BICDL1: variants seen among roughly 807,000 people sequenced by gnomAD.
BICDL1 encodes BICD family-like cargo adapter 1.
A neutral mutation model predicts 76.8 loss-of-function variants in BICDL1; 20 were observed. The ratio of observed to expected loss-of-function variants is 0.26; its 90% CI spans 0.18 to 0.38. The LOEUF (loss-of-function observed/expected upper bound fraction) is 0.38. Ranked by LOEUF, BICDL1 falls within the 10% of genes least tolerant of loss-of-function variation. The pLI is 1.00. For synonymous variants in BICDL1, 383 were observed against 337.1 expected (o/e 1.14, Z -1.49); for missense variants, 700 against 798.6 (o/e 0.88, Z 1.49).
chr12:120,021,918 TAAAATAAAATAAATAAA>T (rs1301179045), intron 2 of BICDL1, among the ~76,000 whole-genome samples: 1 of 134,412 alleles, frequency 7.4e-6, no homozygotes, highest in Non-Finnish European at 1.6e-5. Flanking sequence ...TAAAATAAAA[TAAAATAAAATAAATAAA>T]AAAATAAAAT....
chr12:119,995,019 T>C (rs1295567122), intron 1 of BICDL1, among the ~76,000 whole-genome samples: 2 of 152,202 alleles, frequency 1.3e-5, no homozygotes, highest in African/African-American at 4.8e-5. Flanking sequence ...GGATACCATA[T>C]TACATTTAGT....
intron 2 of BICDL1, among the ~76,000 whole-genome samples, chr12:120,010,694 A>T (rs985909624): frequency 1.3e-5 from 2 of 152,142 alleles, no homozygotes; most frequent in African/African-American, 4.8e-5. Context: ...TTAATGTTTT[A>T]TGTATTGAAG....
At chr12:120,086,189 C>T (rs1874400151) in intron 8 of BICDL1, among the ~76,000 whole-genome samples, 1 of 152,166 alleles carries the variant, frequency 6.6e-6, no homozygotes, top group African/African-American at 2.4e-5. Flanking sequence ...AGCAAGGGTC[C>T]TGTCCTTCCT....
chr12:120,025,299 C>A (rs1299294636), intron 2 of BICDL1, among the ~76,000 whole-genome samples: 1 of 152,140 alleles, frequency 6.6e-6, no homozygotes, highest in Non-Finnish European at 1.5e-5. Context: ...ATCCGCCCTC[C>A]TTGGCCTCCC....
intron 7 of BICDL1, among the ~76,000 whole-genome samples, chr12:120,075,400 TTTTA>T (rs1382007912): frequency 1.3e-5 from 2 of 152,070 alleles, no homozygotes; most frequent in African/African-American, 4.8e-5. Flanking sequence ...TTTTTTTTTT[TTTTA>T]TTTCTTTTTG....
Position 120,090,026 on chromosome 12 carries a change from C to G in BICDL1, c.1659C>G (p.Ala553=). Residue 553 remains alanine, a synonymous_variant, in exon 9 of 10, where the codon GCC becomes GCG. Coordinates refer to ENST00000548673, the MANE Select transcript of BICDL1 (RefSeq NM_001367886.1). ...MMSLNSQLLD[A]IQQKLNLSQQ... ...CTCTGAACAGCCAGTTGCTGGATGC[C>G]ATTCAGCAGAAACTGAACCTCTCGC... The G allele has an allele frequency of 1.2e-6, 2 of 1,614,170 alleles. No individual in the cohort carries two copies. Among genetic ancestry groups the G allele is most frequent in the African/African-American group, 1.3e-5 (1 of 75,048 alleles).
intron 7 of BICDL1, among the ~76,000 whole-genome samples, chr12:120,076,713 T>G (rs1652953546): frequency 6.6e-6 from 1 of 152,166 alleles, no homozygotes; most frequent in South Asian, 2.1e-4. Context: ...TCCCAGATGC[T>G]CAGTCAAAGC....
intron 2 of BICDL1, among the ~76,000 whole-genome samples, chr12:120,033,367 C>CCTTTTTTTTTT (rs1952463021): frequency 1.3e-5 from 1 of 77,624 alleles, no homozygotes; most frequent in Non-Finnish European, 2.2e-5. Flanking sequence ...GAGTTCTTGC[C>CCTTTTTTTTTT]TTTTTTTTTT....
chr12:119,993,085 C>CT (rs1389076641), intron 1 of BICDL1: 1 of 151,622 alleles, frequency 6.6e-6, no homozygotes, highest in African/African-American at 2.4e-5. Flanking sequence ...TCCTGAGCAG[C>CT]TGGGACTACA....
At chr12:119,996,967 G>C (rs79263147) in intron 1 of BICDL1, among the ~76,000 whole-genome samples, 2 of 86,124 alleles carry the variant, frequency 2.3e-5, no homozygotes, top group African/African-American at 9.6e-5. Flanking sequence ...TTTTTTTTTT[G>C]AGACGGAGTC....
intron 2 of BICDL1, among the ~76,000 whole-genome samples, chr12:120,045,678 C>A (rs1032235842): frequency 6.7e-6 from 1 of 149,712 alleles, no homozygotes; most frequent in African/African-American, 2.5e-5. Flanking sequence ...AACAAAAAAC[C>A]AGACACCGCA....
intron 2 of BICDL1, chr12:120,057,178 AC>A: frequency 2.0e-6 from 1 of 503,120 alleles, no homozygotes; most frequent in Non-Finnish European, 4.0e-6. Flanking sequence ...GACAAGTACT[AC>A]TAGGACTTGT....
In BICDL1 at chr12:120,090,056, G is replaced by C; in HGVS notation, c.1689G>C (p.Gln563His). 1 of 1,614,072 alleles carries C rather than the reference G, an allele frequency of 6.2e-7. No homozygotes were observed. Among genetic ancestry groups the C allele is most frequent in the Non-Finnish European group, 8.5e-7 (1 of 1,179,988 alleles). Residue 563 changes from glutamine (Q) to histidine (H), a missense_variant, in exon 9 of 10, where the codon CAG becomes CAC. Physicochemically the swap from Gln to His is conservative, Grantham distance 24. Coordinates refer to ENST00000548673, the MANE Select transcript of BICDL1 (RefSeq NM_001367886.1). ...AIQQKLNLSQ[Q>H]LEAWQDDMHR... is the part of the protein sequence containing the mutation. Reference sequence around the variant, plus strand: ...AGCAGAAACTGAACCTCTCGCAGCAGCTGGAAGCTTGGCAGGTAAACTGGA... The same window carrying C: ...AGCAGAAACTGAACCTCTCGCAGCACCTGGAAGCTTGGCAGGTAAACTGGA...
rs1271890629 is a variant in BICDL1 at position 120,074,511 on chromosome 12, C to T, written c.1377C>T (p.Ala459=). 3 of 1,281,840 alleles carry T rather than the reference C, an allele frequency of 2.3e-6. No homozygotes were observed. The Admixed American group carries it at 7.1e-5, about 30-fold the overall frequency. 79.4% of individuals were successfully genotyped at this position (1,281,840 alleles called of 1,614,324 possible). Residue 459 remains alanine, a synonymous_variant, in exon 7 of 10, where the codon GCC becomes GCT. Coordinates refer to ENST00000548673, the MANE Select transcript of BICDL1 (RefSeq NM_001367886.1). The part of the protein sequence containing the change: ...QIRQTSEDSR[A]LRELMEGERG... The stretch of plus-strand genomic sequence containing the variant: ...GGCAGACCAGTGAGGACTCGAGAGC[C>T]CTAAGGGAGCTCATGGAGGGAGAGA...
At chr12:120,008,144 CTCTT>C (rs1951883768) in intron 2 of BICDL1, among the ~76,000 whole-genome samples, 2 of 141,328 alleles carry the variant, frequency 1.4e-5, no homozygotes, top group Admixed American at 7.3e-5. Context: ...ATGATAATTA[CTCTT>C]TCTTTTTTTT....
chr12:120,009,779 T>C (rs1475608434), intron 2 of BICDL1, among the ~76,000 whole-genome samples: 1 of 152,216 alleles, frequency 6.6e-6, no homozygotes, highest in African/African-American at 2.4e-5. Flanking sequence ...TTCCTAAGTA[T>C]TGTTGCTTTG....
chr12:120,089,461 CTG>C (rs1471391713), intron 8 of BICDL1, among the ~76,000 whole-genome samples: 1 of 152,130 alleles, frequency 6.6e-6, no homozygotes, highest in Non-Finnish European at 1.5e-5. Context: ...TCTCGGCTCA[CTG>C]CAACCTCCTT....
intron 2 of BICDL1, 32 bp downstream of exon 2, chr12:119,998,768 A>G: frequency 6.3e-7 from 1 of 1,591,158 alleles, no homozygotes; most frequent in Non-Finnish European, 8.6e-7. Flanking sequence ...TAAGATGTAA[A>G]ATACTAAAAG....
chr12:120,028,167 G>C (rs1231642041), intron 2 of BICDL1, among the ~76,000 whole-genome samples: 1 of 152,084 alleles, frequency 6.6e-6, no homozygotes, highest in Non-Finnish European at 1.5e-5. Flanking sequence ...ATCTAGAATT[G>C]GAATGTAGCT....
Sources: gnomAD v4.1 joint callset for allele counts (sites outside exome capture counted in the v4.1 genomes callset) on GRCh38, gnomAD v4.1.1 for gene constraint, MANE v1.5 for transcripts, NCBI Gene and HGNC (gene_info 2026-07-23, HGNC 2026-07-21) for gene names.